Variants in ADGRL3 observed in about 807,000 individuals in gnomAD.
ADGRL3 encodes adhesion G protein-coupled receptor L3.
Under a neutral mutation model 153.5 loss-of-function variants are expected in ADGRL3, and 62 were observed. The ratio of observed to expected loss-of-function variants is 0.40; its 90% confidence interval spans 0.33 to 0.50. ADGRL3 has a LOEUF of 0.50. Ranked by LOEUF, ADGRL3 falls within the 20% of genes least tolerant of loss-of-function variation. ADGRL3 has a pLI of 0.47. For missense variants in ADGRL3, 1,641 were observed against 1,859.4 expected, an observed-to-expected ratio of 0.88 and a Z score of 2.16; for synonymous variants, 710 against 672.5, an observed-to-expected ratio of 1.06 and a Z score of -0.86.
chr4:61,351,188 C>T (rs1021204492), intron 1 of ADGRL3, among the ~76,000 whole-genome samples: 1 of 152,230 alleles, frequency 6.6e-6, no homozygotes, highest in African/African-American at 2.4e-5. Flanking sequence ...ACAGTATTCC[C>T]TTAAGCCAAA....
At chr4:61,252,327 A>C (rs1759614269) in intron 1 of ADGRL3, among the ~76,000 whole-genome samples, 1 of 152,176 alleles carries the variant, frequency 6.6e-6, no homozygotes, top group African/African-American at 2.4e-5. Flanking sequence ...ACAGGAGGTA[A>C]ATTTTTCTTA....
intron 4 of ADGRL3, among the ~76,000 whole-genome samples, chr4:61,530,619 C>T (rs1356788000): frequency 6.6e-6 from 1 of 152,030 alleles, no homozygotes; most frequent in Admixed American, 6.6e-5. Flanking sequence ...ATTTAAGTTT[C>T]CCTGCACCCC....
chr4:61,753,686 T>C (rs2096784806), intron 8 of ADGRL3, among the ~76,000 whole-genome samples: 1 of 152,230 alleles, frequency 6.6e-6, no homozygotes, highest in Non-Finnish European at 1.5e-5. Context: ...TTAGATTCTA[T>C]GTTTGAAATA....
intron 13 of ADGRL3, among the ~76,000 whole-genome samples, chr4:61,927,586 T>A (rs559001473): frequency 6.6e-6 from 1 of 152,126 alleles, no homozygotes; most frequent in Non-Finnish European, 1.5e-5. Flanking sequence ...ATGACAGTGG[T>A]TATAAAAAGT....
At chr4:61,380,840 C>T (rs558114743) in intron 1 of ADGRL3, among the ~76,000 whole-genome samples, 1 of 152,076 alleles carries the variant, frequency 6.6e-6, no homozygotes, top group Admixed American at 6.6e-5. Flanking sequence ...TTTAAAAGAT[C>T]CCTTTTAGAT....
At chr4:61,567,552 C>T (rs1447402172) in intron 4 of ADGRL3, among the ~76,000 whole-genome samples, 1 of 152,146 alleles carries the variant, frequency 6.6e-6, no homozygotes, top group Non-Finnish European at 1.5e-5. Flanking sequence ...GACACCATAT[C>T]TGTCAACACC....
At chr4:61,327,327 G>GT (rs34802648) in intron 1 of ADGRL3, among the ~76,000 whole-genome samples, 377 of 144,434 alleles carry the variant, frequency 2.6e-3, no homozygotes, top group African/African-American at 6.7e-3. Flanking sequence ...GTTTTACTCA[G>GT]TTTTTTTTTT....
At position 61,497,143 on chromosome 4, in the gene ADGRL3, G is replaced by A. The variant is rs2098329036; in HGVS notation, c.-151G>A. ...CAGGTTTCAGATTTGGGATATTGGT[G>A]TTTCTGTTTTGGAGAAATTATTCTT... On this transcript the variant is annotated 5_prime_UTR_variant, in exon 3 of 27. Coordinates refer to ENST00000683033, the MANE Select transcript of ADGRL3 (RefSeq NM_001387552.1). The A allele has an allele frequency of 5.4e-6, 3 of 556,530 alleles. No homozygotes were observed. In the South Asian group the frequency reaches 7.1e-5, roughly 13 times the overall value. 34.5% of individuals were successfully genotyped at this position (556,530 alleles called of 1,614,324 possible).
At chr4:61,206,537 T>G (rs1197710816) in intron 1 of ADGRL3, among the ~76,000 whole-genome samples, 2 of 152,208 alleles carry the variant, frequency 1.3e-5, no homozygotes, top group Admixed American at 1.3e-4. Context: ...CTTTAACACG[T>G]GTTCAGTGGA....
chr4:61,683,947 T>C (rs1438902702), intron 6 of ADGRL3, among the ~76,000 whole-genome samples: 1 of 152,124 alleles, frequency 6.6e-6, no homozygotes, highest in Non-Finnish European at 1.5e-5. Context: ...AGTCTTAAAA[T>C]ATGAATAGAC....
At chr4:61,255,765 T>C (rs2091899129) in intron 1 of ADGRL3, among the ~76,000 whole-genome samples, 1 of 152,166 alleles carries the variant, frequency 6.6e-6, no homozygotes, top group Admixed American at 6.5e-5. Flanking sequence ...CCTGTCTGCC[T>C]CTCATTATTT....
intron 8 of ADGRL3, among the ~76,000 whole-genome samples, chr4:61,794,957 C>T (rs1483007805): frequency 2.0e-5 from 3 of 152,156 alleles, no homozygotes; most frequent in Non-Finnish European, 2.9e-5. Flanking sequence ...ATCGCATAAC[C>T]TCTTTTCATG....
At chr4:61,458,915 A>G (rs1399400675) in intron 2 of ADGRL3, among the ~76,000 whole-genome samples, 1 of 151,526 alleles carries the variant, frequency 6.6e-6, no homozygotes, top group Non-Finnish European at 1.5e-5. Context: ...ACATTTTTCT[A>G]TAAAGCATTT....
chr4:61,547,366 A>C (rs574979680), intron 4 of ADGRL3, among the ~76,000 whole-genome samples: 35 of 151,792 alleles, frequency 2.3e-4, no homozygotes, highest in African/African-American at 7.7e-4. Flanking sequence ...TTATTTTGTC[A>C]CCGGGTAATA....
chr4:61,556,102 G>T (rs2098765113), intron 4 of ADGRL3, among the ~76,000 whole-genome samples: 1 of 152,090 alleles, frequency 6.6e-6, no homozygotes, highest in Non-Finnish European at 1.5e-5. Context: ...GATTTGCTCT[G>T]GTTCACACGC....
Position 61,608,655 on chromosome 4 carries a change from C to T in ADGRL3, c.473+21215C>T, listed in dbSNP as rs1008652602. Among the ~76,000 whole-genome samples, 12 of 152,076 alleles carry T rather than the reference C, an allele frequency of 7.9e-5. No individual in the cohort carries two copies. The East Asian group carries it at 1.2e-3, about 15-fold the overall frequency. On this transcript the variant is annotated intron_variant, in intron 5 of 26. Coordinates refer to ENST00000683033, the MANE Select transcript of ADGRL3 (RefSeq NM_001387552.1). Reference sequence around the variant, plus strand: ...AATAAGAATGAGGAAGTAAAATTTTCGTCTGTGAATTTTGTTTTCTAAATA... The same window carrying T: ...AATAAGAATGAGGAAGTAAAATTTTTGTCTGTGAATTTTGTTTTCTAAATA...
intron 2 of ADGRL3, among the ~76,000 whole-genome samples, chr4:61,430,127 T>C (rs1361015114): frequency 6.6e-6 from 1 of 152,154 alleles, no homozygotes; most frequent in African/African-American, 2.4e-5. Context: ...AACCTGTGCT[T>C]TGGAAACAAA....
intron 1 of ADGRL3, among the ~76,000 whole-genome samples, chr4:61,373,114 C>T (rs2096559449): frequency 6.6e-6 from 1 of 152,158 alleles, no homozygotes; most frequent in Admixed American, 6.5e-5. Context: ...ACTCACTGAC[C>T]TGCGCCCACT....
intron 2 of ADGRL3, among the ~76,000 whole-genome samples, chr4:61,472,236 T>G (rs2097966425): frequency 6.6e-6 from 1 of 152,128 alleles, no homozygotes; most frequent in Admixed American, 6.6e-5. Context: ...GGACGAGATG[T>G]TATTTTTGAT....
Sources: gnomAD v4.1 joint callset for allele counts (sites outside exome capture counted in the v4.1 genomes callset) on GRCh38, gnomAD v4.1.1 for gene constraint, MANE v1.5 for transcripts, NCBI Gene and HGNC (gene_info 2026-07-23, HGNC 2026-07-21) for gene names.